Variants in ANKRD45 observed in about 807,000 individuals in gnomAD.
The protein encoded by ANKRD45 is ankyrin repeat domain-containing protein 45.
ANKRD45 carries 21 observed loss-of-function variants against 28.1 expected under a neutral mutation model. The ratio of observed to expected loss-of-function variants is 0.75; its 90% CI spans 0.53 to 1.08. ANKRD45 has a LOEUF of 1.08. ANKRD45 is among the 50% of genes least tolerant of loss of function. The pLI, the probability that ANKRD45 is intolerant of heterozygous loss-of-function variation, is 0.00. For missense variants in ANKRD45, 261 were observed against 308.7 expected (o/e 0.85, Z 1.16); for synonymous variants, 86 against 103.9 (o/e 0.83, Z 1.05).
intron 2 of ANKRD45, among the ~76,000 whole-genome samples, chr1:173,647,352 C>T (rs1237649758): frequency 6.6e-6 from 1 of 152,108 alleles, no homozygotes; most frequent in Admixed American, 6.6e-5. Flanking sequence ...TGGCAATCTC[C>T]CTAGCAGTCA....
the ANKRD45 span, chr1:173,675,375 G>A: frequency 2.0e-5 from 6 of 299,612 alleles, no homozygotes; most frequent in East Asian, 8.6e-4. Flanking sequence ...CACTTTGGGA[G>A]GCCGAGGCAG....
At chr1:173,647,353 C>T (rs2102361517) in intron 2 of ANKRD45, among the ~76,000 whole-genome samples, 1 of 152,236 alleles carries the variant, frequency 6.6e-6, no homozygotes, top group African/African-American at 2.4e-5. Flanking sequence ...GGCAATCTCC[C>T]TAGCAGTCAC....
intron 4 of ANKRD45, among the ~76,000 whole-genome samples, chr1:173,626,161 A>C (rs1272309653): frequency 6.6e-6 from 1 of 152,198 alleles, no homozygotes. Context: ...CAAGTGCTAG[A>C]CTTGGTGATA....
At chr1:173,617,651 G>T (rs1667520908) in intron 5 of ANKRD45, among the ~76,000 whole-genome samples, 3 of 152,222 alleles carry the variant, frequency 2.0e-5, no homozygotes, top group Admixed American at 1.3e-4. Context: ...GAGCCACTGT[G>T]GGGAGGGATG....
At chr1:173,671,164 T>C (rs1193547350), upstream of ANKRD45, among the ~76,000 whole-genome samples, 1 of 152,178 alleles carries the variant, frequency 6.6e-6, no homozygotes, top group Non-Finnish European at 1.5e-5. Context: ...TTTTATGGAT[T>C]AGCCACCCCA....
chr1:173,682,674 GC>G, the ANKRD45 span, among the ~76,000 whole-genome samples: 1 of 116,594 alleles, frequency 8.6e-6, no homozygotes, highest in African/African-American at 4.1e-5. Context: ...AACCACGAAG[GC>G]CTTTTAAATA....
chr1:173,618,665 G>C (rs1378133163), intron 5 of ANKRD45, among the ~76,000 whole-genome samples: 1 of 152,116 alleles, frequency 6.6e-6, no homozygotes, highest in South Asian at 2.1e-4. Flanking sequence ...TGACTGATTG[G>C]GGTACCTGAA....
intron 5 of ANKRD45, 72 bp from the exon 6 acceptor site, chr1:173,610,287 A>T: frequency 7.2e-7 from 1 of 1,393,388 alleles, no homozygotes; most frequent in Non-Finnish European, 1.0e-6. Flanking sequence ...CCAGTTTTTA[A>T]GACAATAAGA....
chr1:173,649,424 T>C (rs1194499755), intron 2 of ANKRD45, among the ~76,000 whole-genome samples: 3 of 152,330 alleles, frequency 2.0e-5, no homozygotes, highest in East Asian at 3.9e-4. Context: ...TGGTAGCCCA[T>C]TGTTTACATT....
At chr1:173,670,777 C>T (rs780115598), upstream of ANKRD45, among the ~76,000 whole-genome samples, 4 of 152,124 alleles carry the variant, frequency 2.6e-5, no homozygotes, top group Non-Finnish European at 4.4e-5. Flanking sequence ...AGGCACTCTC[C>T]GAATAGATAG....
intron 1 of ANKRD45, among the ~76,000 whole-genome samples, chr1:173,663,054 AACACACACACACACAC>A (rs60072209): frequency 1.7e-4 from 24 of 140,248 alleles, no homozygotes; most frequent in Non-Finnish European, 2.8e-4. Flanking sequence ...CCACCCTTCC[AACACACACACACACAC>A]ACACACACAC....
At chr1:173,664,226 G>A (rs552531630) in intron 1 of ANKRD45, among the ~76,000 whole-genome samples, 12 of 152,240 alleles carry the variant, frequency 7.9e-5, no homozygotes, top group East Asian at 7.7e-4. Context: ...GACATTTCCC[G>A]TTATAGCTGT....
chr1:173,677,784 AC>A, the ANKRD45 span, among the ~76,000 whole-genome samples: 8 of 152,232 alleles, frequency 5.3e-5, no homozygotes, highest in South Asian at 2.1e-4. Context: ...TTAAAAAAAA[AC>A]AATTATCAGG....
intron 3 of ANKRD45, among the ~76,000 whole-genome samples, chr1:173,642,217 A>C (rs549630875): frequency 1.3e-5 from 2 of 152,212 alleles, no homozygotes; most frequent in Non-Finnish European, 2.9e-5. Flanking sequence ...TTTCACTTCA[A>C]TTCTCACCTC....
chr1:173,668,515 G>C (rs1026920510), intron 1 of ANKRD45, among the ~76,000 whole-genome samples: 6 of 152,168 alleles, frequency 3.9e-5, no homozygotes, highest in African/African-American at 1.4e-4. Context: ...AAGGCAAAGG[G>C]ACCCTGACCC....
intron 1 of ANKRD45, among the ~76,000 whole-genome samples, chr1:173,666,262 A>G (rs1486437014): frequency 3.3e-5 from 5 of 152,124 alleles, no homozygotes; most frequent in Non-Finnish European, 7.4e-5. Context: ...AACTACACAA[A>G]TGGCTCTCCT....
At chr1:173,666,219 T>G (rs1228248985) in intron 1 of ANKRD45, among the ~76,000 whole-genome samples, 1 of 152,220 alleles carries the variant, frequency 6.6e-6, no homozygotes, top group African/African-American at 2.4e-5. Context: ...ACTATCAGCT[T>G]TCCTGTTTCT....
chr1:173,621,073 T>C (rs896350786), intron 5 of ANKRD45, among the ~76,000 whole-genome samples: 1 of 152,176 alleles, frequency 6.6e-6, no homozygotes, highest in Non-Finnish European at 1.5e-5. Context: ...AATAAATTCC[T>C]GGACACATAC....
intron 3 of ANKRD45, among the ~76,000 whole-genome samples, chr1:173,634,152 T>C (rs1267394400): frequency 6.6e-6 from 1 of 151,896 alleles, no homozygotes; most frequent in African/African-American, 2.4e-5. Context: ...ATAATCCTAT[T>C]TTTTTAAATG....
Sources: gnomAD v4.1 joint callset for allele counts (sites outside exome capture counted in the v4.1 genomes callset) on GRCh38, gnomAD v4.1.1 for gene constraint, MANE v1.5 for transcripts, NCBI Gene and HGNC (gene_info 2026-07-23, HGNC 2026-07-21) for gene names.